Variants in HNRNPK observed in about 807,000 individuals in gnomAD.
The protein encoded by HNRNPK is dC-stretch binding protein.
HNRNPK carries 7 observed loss-of-function variants against 67.0 expected under a neutral mutation model. That is an observed-to-expected ratio of 0.10 (90% CI 0.06 to 0.20). The LOEUF is 0.20. HNRNPK is among the 10% of genes least tolerant of loss of function. The pLI, the probability that HNRNPK is intolerant of heterozygous loss-of-function variation, is 1.00. For missense variants in HNRNPK, 264 were observed against 606.5 expected, an observed-to-expected ratio of 0.44 and a Z score of 5.93; for synonymous variants, 213 against 193.7, an observed-to-expected ratio of 1.10 and a Z score of -0.83.
chr9:83,971,151 A>C, intron 13 of HNRNPK, 122 bp downstream of exon 13: 1 of 843,178 alleles, frequency 1.2e-6, no homozygotes, highest in Non-Finnish European at 2.0e-6. Flanking sequence ...TCTTCAGGAA[A>C]CCAAAGTCCT....
At chr9:83,970,009 G>A (rs556046798) in intron 16 of HNRNPK, 153 bp downstream of exon 16, 6 of 667,754 alleles carry the variant, frequency 9.0e-6, no homozygotes, top group Admixed American at 2.7e-5. Flanking sequence ...GAAAGCAGAA[G>A]AAAAATTAAG....
chr9:83,979,871 C>T (rs1383049798), intron 1 of HNRNPK, among the ~76,000 whole-genome samples: 1 of 152,188 alleles, frequency 6.6e-6, no homozygotes. Context: ...CTCCCCGCAC[C>T]GGCCTCCTTT....
intron 8 of HNRNPK, 50 bp from the exon 9 acceptor site, chr9:83,973,449 A>G (rs1278363107): frequency 2.1e-6 from 2 of 961,730 alleles, no homozygotes; most frequent in East Asian, 4.8e-5. Flanking sequence ...CAATTCCCCA[A>G]TACACACTTA....
chr9:83,973,440 A>G, intron 8 of HNRNPK, 41 bp from the exon 9 acceptor site: 2 of 1,062,096 alleles, frequency 1.9e-6, no homozygotes, highest in Non-Finnish European at 3.0e-6. Context: ...TCAAATCAAC[A>G]ATTCCCCAAT....
intron 1 of HNRNPK, among the ~76,000 whole-genome samples, chr9:83,978,937 C>T (rs1037894811): frequency 6.6e-6 from 1 of 152,144 alleles, no homozygotes; most frequent in South Asian, 2.1e-4. Context: ...AACAATCTAC[C>T]GGAGGGATAA....
chr9:83,969,955 C>A, intron 16 of HNRNPK: 1 of 656,144 alleles, frequency 1.5e-6, no homozygotes, highest in South Asian at 1.5e-5. Flanking sequence ...TTGGTTAAGG[C>A]TTCTTCCAGC....
chr9:83,969,934 G>A (rs1309945366), intron 16 of HNRNPK: 2 of 646,924 alleles, frequency 3.1e-6, no homozygotes, highest in Middle Eastern at 4.0e-4. Flanking sequence ...CCAGAGAAAT[G>A]AGAAGTTTGC....
chr9:83,972,719 G>T, intron 10 of HNRNPK, 125 bp downstream of exon 10: 1 of 630,146 alleles, frequency 1.6e-6, no homozygotes. Context: ...GAAGCCAGGT[G>T]ATAGAAAATT....
intron 8 of HNRNPK, 104 bp from the exon 9 acceptor site, chr9:83,973,503 C>T: frequency 2.8e-6 from 2 of 707,918 alleles, no homozygotes; most frequent in Non-Finnish European, 2.5e-6. Context: ...AGTGAGCAAC[C>T]TGAATTTATA....
intron 3 of HNRNPK, among the ~76,000 whole-genome samples, 160 bp downstream of exon 3, chr9:83,978,035 C>A (rs1392060452): frequency 1.3e-5 from 2 of 152,128 alleles, no homozygotes; most frequent in Non-Finnish European, 2.9e-5. Context: ...GTTACTTCTA[C>A]TTCATAAATA....
intron 4 of HNRNPK, 39 bp downstream of exon 4, chr9:83,977,650 T>C (rs554046457): frequency 5.7e-6 from 7 of 1,232,836 alleles, no homozygotes; most frequent in South Asian, 5.0e-5. Context: ...TCTACCTGAG[T>C]ATGAACCACC....
intron 10 of HNRNPK, chr9:83,972,403 C>A (rs1161669553): frequency 3.6e-6 from 2 of 551,092 alleles, no homozygotes; most frequent in Non-Finnish European, 6.4e-6. Flanking sequence ...AAAGTGAGTT[C>A]TATTGCCTAT....
chr9:83,970,032 A>C (rs1257368529), intron 16 of HNRNPK, 130 bp downstream of exon 16: 1 of 709,408 alleles, frequency 1.4e-6, no homozygotes, highest in Non-Finnish European at 2.4e-6. Context: ...AAACTATTAG[A>C]ATGTTTAGAA....
intron 10 of HNRNPK, 31 bp downstream of exon 10, chr9:83,972,813 T>TGTAAA (rs1956913878): frequency 6.5e-7 from 1 of 1,533,768 alleles, no homozygotes; most frequent in South Asian, 1.2e-5. Flanking sequence ...TTTCATAAAA[T>TGTAAA]CAAATGTAAA....
At chr9:83,970,505 A>T (rs1051348729) in intron 15 of HNRNPK, 174 bp from the exon 16 acceptor site, 43 of 652,844 alleles carry the variant, frequency 6.6e-5, no homozygotes, top group Non-Finnish European at 1.1e-4. Flanking sequence ...ACACTTACTA[A>T]TGTTTCCCTT....
intron 5 of HNRNPK, 39 bp downstream of exon 5, chr9:83,976,956 G>A (rs1418781154): frequency 1.7e-6 from 2 of 1,207,344 alleles, no homozygotes; most frequent in East Asian, 2.3e-5. Flanking sequence ...CATATAAACT[G>A]AAGCTGCTCG....
intron 3 of HNRNPK, among the ~76,000 whole-genome samples, 174 bp from the exon 4 acceptor site, chr9:83,977,960 G>A (rs888603344): frequency 6.6e-6 from 1 of 152,060 alleles, no homozygotes; most frequent in Non-Finnish European, 1.5e-5. Context: ...ACAAAATACT[G>A]CCACAAAATA....
chr9:83,977,666 A>C, intron 4 of HNRNPK, 23 bp downstream of exon 4: 12 of 1,477,016 alleles, frequency 8.1e-6, no homozygotes, highest in Non-Finnish European at 1.0e-5. Context: ...CCACCTTCAA[A>C]TTTTCAAGAA....
At position 83,971,263 on chromosome 9, in the gene HNRNPK, G is replaced by C. The variant is rs182293768; in HGVS notation, c.1092+10C>G. The C allele has an allele frequency of 1.0e-4, 158 of 1,552,008 alleles. No homozygotes were observed. In the East Asian group the frequency reaches 3.2e-3, roughly 31 times the overall value. ...CACTGATATACACACGAACAACTAT[G>C]ATACTCAACCTGTGGTTCATAAGCC... On this transcript the variant is annotated intron_variant, in intron 13 of 16. Coordinates refer to ENST00000376263, the MANE Select transcript of HNRNPK (RefSeq NM_031263.4).
Sources: allele counts gnomAD v4.1 joint callset (sites outside exome capture counted in the v4.1 genomes callset), GRCh38; gene constraint gnomAD v4.1.1; transcripts MANE v1.5; gene names NCBI Gene and HGNC (gene_info 2026-07-23, HGNC 2026-07-21).